The following MATN2 variants were observed in gnomAD, a reference collection of about 807,000 sequenced individuals.
MATN2 encodes the protein matrilin 2.
A neutral mutation model predicts 103.2 loss-of-function variants in MATN2; 69 were observed. That is an observed-to-expected ratio of 0.67 (90% CI 0.55 to 0.82). MATN2 has a LOEUF of 0.82. MATN2 is among the 40% of genes least tolerant of loss of function. The pLI is 0.00. For missense variants in MATN2, 1,023 were observed against 1,211.5 expected (o/e 0.84, Z 2.31); for synonymous variants, 429 against 450.2 (o/e 0.95, Z 0.60).
At chr8:97,942,136 G>A (rs1810589003) in intron 4 of MATN2, among the ~76,000 whole-genome samples, 1 of 152,208 alleles carries the variant, frequency 6.6e-6, no homozygotes, top group South Asian at 2.1e-4. Flanking sequence ...CACCATCTCA[G>A]AAATAGCCTC....
chr8:98,009,829 A>G (rs1434053482), intron 10 of MATN2, among the ~76,000 whole-genome samples: 1 of 152,160 alleles, frequency 6.6e-6, no homozygotes, highest in Non-Finnish European at 1.5e-5. Context: ...GACCTTGTGC[A>G]AGGGCATCCC....
rs558684341 is a variant in MATN2, at chr8:98,021,693, A to C, written c.1942+366A>C. 6.8e-4 allele frequency among the ~76,000 whole-genome samples: 101 copies of C among 149,574 alleles called. 1 individual carries two copies. The highest frequency in any genetic ancestry group is 2.4e-3 in the African/African-American group (97 of 40,938). ...CAGTTTAAACATAAAAAAAAAAAAA[A>C]CACAAAAGAGCAAAAGGAGTCTTGA... On this transcript the variant is annotated intron_variant, in intron 13 of 18. Coordinates refer to ENST00000254898, the MANE Select transcript of MATN2 (RefSeq NM_002380.5).
chr8:97,941,224 A>G (rs988621163), intron 3 of MATN2, among the ~76,000 whole-genome samples: 3 of 151,756 alleles, frequency 2.0e-5, no homozygotes, highest in Non-Finnish European at 4.4e-5. Flanking sequence ...GGTATCTTAA[A>G]TTGAGACATA....
At chr8:97,914,863 T>C (rs1003137174) in intron 2 of MATN2, among the ~76,000 whole-genome samples, 3 of 152,246 alleles carry the variant, frequency 2.0e-5, no homozygotes, top group African/African-American at 7.2e-5. Flanking sequence ...CAACACCTGC[T>C]CACCTTATAA....
intron 7 of MATN2, among the ~76,000 whole-genome samples, chr8:98,001,462 C>CTTTTTTT: frequency 8.4e-6 from 1 of 118,918 alleles, no homozygotes; most frequent in Non-Finnish European, 1.7e-5. Flanking sequence ...ACACTTTTGT[C>CTTTTTTT]TTTTTTTTTT....
intron 2 of MATN2, among the ~76,000 whole-genome samples, chr8:97,918,341 G>A (rs1348094063): frequency 6.6e-6 from 1 of 152,124 alleles, no homozygotes; most frequent in Non-Finnish European, 1.5e-5. Context: ...TTTTGCCTGT[G>A]GTGCCTTCAG....
intron 4 of MATN2, among the ~76,000 whole-genome samples, chr8:97,947,372 A>G (rs945042932): frequency 1.3e-5 from 2 of 152,226 alleles, no homozygotes; most frequent in African/African-American, 4.8e-5. Context: ...CAAAACAACA[A>G]CAACAACAAA....
At chr8:97,947,484 G>C (rs1004208526) in intron 4 of MATN2, among the ~76,000 whole-genome samples, 1 of 152,124 alleles carries the variant, frequency 6.6e-6, no homozygotes, top group Non-Finnish European at 1.5e-5. Context: ...GGCAACAAAA[G>C]TCAGAAATTG....
intron 18 of MATN2, chr8:98,034,111 T>A: frequency 4.4e-6 from 2 of 453,670 alleles, no homozygotes; most frequent in Admixed American, 4.8e-5. Context: ...CAGCCACATA[T>A]AGATTCAGTG....
intron 6 of MATN2, among the ~76,000 whole-genome samples, chr8:97,979,501 T>C (rs765931667): frequency 1.9e-4 from 29 of 152,242 alleles, no homozygotes. Context: ...GGATTTTAAC[T>C]GTATACATAA....
At chr8:97,887,926 C>T in intron 1 of MATN2, 149 bp from the exon 2 acceptor site, 1 of 653,740 alleles carries the variant, frequency 1.5e-6, no homozygotes, top group Non-Finnish European at 2.4e-6. Flanking sequence ...GCTACTTAAG[C>T]TCTCAAAGGC....
chr8:97,969,263 C>CG (rs1381583909), intron 5 of MATN2, among the ~76,000 whole-genome samples: 2 of 152,184 alleles, frequency 1.3e-5, no homozygotes, highest in African/African-American at 4.8e-5. Flanking sequence ...ACCTGTAACA[C>CG]GGGGGATCAC....
intron 7 of MATN2, among the ~76,000 whole-genome samples, chr8:97,996,099 C>T (rs1014624688): frequency 6.6e-6 from 1 of 152,086 alleles, no homozygotes. Flanking sequence ...CTTCAGTGGG[C>T]GGTGATTAGA....
chr8:97,892,739 G>C (rs918269635), intron 2 of MATN2, among the ~76,000 whole-genome samples: 7 of 152,160 alleles, frequency 4.6e-5, no homozygotes, highest in African/African-American at 1.7e-4. Flanking sequence ...ACCCACAAGA[G>C]AATGAGAGTA....
chr8:98,033,732 G>A, intron 18 of MATN2, 73 bp downstream of exon 18: 1 of 1,015,100 alleles, frequency 9.9e-7, no homozygotes, highest in Non-Finnish European at 1.5e-6. Flanking sequence ...ACTCTATGTA[G>A]GTTTTATCAA....
chr8:97,945,065 A>C (rs962807758), intron 4 of MATN2, among the ~76,000 whole-genome samples: 1 of 152,216 alleles, frequency 6.6e-6, no homozygotes, highest in Non-Finnish European at 1.5e-5. Flanking sequence ...AAAATAGTGA[A>C]TAACACAGCA....
chr8:98,012,522 CG>C (rs1813207227), intron 10 of MATN2, among the ~76,000 whole-genome samples: 1 of 152,068 alleles, frequency 6.6e-6, no homozygotes, highest in South Asian at 2.1e-4. Flanking sequence ...GGCCAGAGAG[CG>C]AACTGCAGGA....
intron 2 of MATN2, among the ~76,000 whole-genome samples, chr8:97,918,937 A>G: frequency 6.6e-6 from 1 of 152,060 alleles, no homozygotes; most frequent in East Asian, 1.9e-4. Context: ...TATCTTCTTT[A>G]TTTTCTGAAC....
chr8:97,995,695 G>A (rs1812560888), intron 7 of MATN2, among the ~76,000 whole-genome samples: 1 of 152,232 alleles, frequency 6.6e-6, no homozygotes, highest in African/African-American at 2.4e-5. Context: ...ACTGAATCCA[G>A]ATGAGTCACA....
Sources: gnomAD v4.1 joint callset for allele counts (sites outside exome capture counted in the v4.1 genomes callset) on GRCh38, gnomAD v4.1.1 for gene constraint, MANE v1.5 for transcripts, NCBI Gene and HGNC (gene_info 2026-07-23, HGNC 2026-07-21) for gene names.